The following FER1L6 variants were observed in gnomAD, a reference collection of about 807,000 sequenced individuals.
FER1L6 encodes fer-1-like protein 6.
In FER1L6, 177 loss-of-function variants were observed where a neutral mutation model predicts 219.2. The ratio of observed to expected loss-of-function variants is 0.81; its 90% confidence interval spans 0.71 to 0.91. FER1L6 has a LOEUF of 0.91. FER1L6 is among the 40% of genes least tolerant of loss of function. The probability of loss-of-function intolerance (pLI) is 0.00; values close to 1 mark genes in which losing one functional copy is unlikely to be tolerated. For synonymous variants in FER1L6, 768 were observed against 824.3 expected, an observed-to-expected ratio of 0.93 and a Z score of 1.17; for missense variants, 2,153 against 2,259.9, an observed-to-expected ratio of 0.95 and a Z score of 0.96.
intron 39 of FER1L6, among the ~76,000 whole-genome samples, chr8:124,110,620 T>C (rs1427005003): frequency 2.6e-5 from 4 of 152,178 alleles, no homozygotes; most frequent in African/African-American, 7.2e-5. Context: ...CGTTAAGAGA[T>C]TGCAAAGACA....
At chr8:124,022,923 T>A (rs200449460) in intron 17 of FER1L6, among the ~76,000 whole-genome samples, 308 of 28,060 alleles carry the variant, frequency 0.011, 2 homozygotes, top group African/African-American at 0.041. Context: ...TTATTTATTT[T>A]TTTTTTTGAG....
chr8:124,080,892 G>T (rs1002342907), intron 32 of FER1L6, among the ~76,000 whole-genome samples: 1 of 152,136 alleles, frequency 6.6e-6, no homozygotes, highest in Non-Finnish European at 1.5e-5. Context: ...CCTTCAGATG[G>T]AAGACATATG....
chr8:123,966,773 A>C (rs1815560392), intron 5 of FER1L6, among the ~76,000 whole-genome samples: 1 of 152,210 alleles, frequency 6.6e-6, no homozygotes, highest in Non-Finnish European at 1.5e-5. Flanking sequence ...CGTACATGCT[A>C]AATTCTCTTT....
chr8:124,052,128 A>C (rs1297691333), intron 22 of FER1L6, among the ~76,000 whole-genome samples: 1 of 152,200 alleles, frequency 6.6e-6, no homozygotes, highest in African/African-American at 2.4e-5. Context: ...GCACAGTAAA[A>C]TGGACTATCA....
chr8:124,022,981 C>T (rs1348163006), intron 17 of FER1L6, among the ~76,000 whole-genome samples: 3 of 151,982 alleles, frequency 2.0e-5, no homozygotes, highest in Non-Finnish European at 4.4e-5. Context: ...GGCATGATCT[C>T]GGCTCACTGC....
In FER1L6 at chr8:124,040,008, T is replaced by C. The variant is rs1819410422; in HGVS notation, c.2589+2T>C. ...CTTTCTCACTGCCAGACAACAAAGGTAACCAGGGTAACCAAGACAGCCTGC... is the reference window on the plus strand; with the variant it reads ...CTTTCTCACTGCCAGACAACAAAGGCAACCAGGGTAACCAAGACAGCCTGC... On this transcript the variant is annotated splice_donor_variant, in intron 20 of 40. Transcript: ENST00000522917. LOFTEE classifies it high-confidence loss of function. The C allele has an allele frequency of 1.2e-6, 2 of 1,613,838 alleles. No individual in the cohort carries two copies. The highest frequency in any genetic ancestry group is 1.1e-5 in the South Asian group (1 of 91,078).
intron 3 of FER1L6, 114 bp from the exon 4 acceptor site, chr8:123,965,893 C>A: frequency 2.1e-6 from 2 of 965,464 alleles, no homozygotes; most frequent in Non-Finnish European, 3.1e-6. Context: ...GAGATGTAGA[C>A]AGAATATGTA....
chr8:123,936,577 AGTT>A (rs955484875), intron 1 of FER1L6, among the ~76,000 whole-genome samples: 6 of 146,972 alleles, frequency 4.1e-5, no homozygotes, highest in Admixed American at 3.6e-4. Flanking sequence ...CTGGTCCTCC[AGTT>A]GTTAAGAGGG....
chr8:123,981,928 T>TGTC (rs1816342035), intron 11 of FER1L6, among the ~76,000 whole-genome samples: 1 of 152,174 alleles, frequency 6.6e-6, no homozygotes. Context: ...TTGTTGTTGT[T>TGTC]GTCGTCAGTG....
intron 12 of FER1L6, among the ~76,000 whole-genome samples, chr8:123,995,161 C>T (rs1485953329): frequency 6.6e-6 from 1 of 152,206 alleles, no homozygotes; most frequent in African/African-American, 2.4e-5. Flanking sequence ...TGAAGAAAAG[C>T]TCACAGCATG....
intron 27 of FER1L6, among the ~76,000 whole-genome samples, chr8:124,066,914 C>A (rs1427844217): frequency 6.6e-6 from 1 of 152,080 alleles, no homozygotes; most frequent in Non-Finnish European, 1.5e-5. Flanking sequence ...TCAGGAGATA[C>A]CCTAGTCTAA....
At chr8:123,958,726 C>T (rs1815133366) in intron 2 of FER1L6, among the ~76,000 whole-genome samples, 1 of 151,700 alleles carries the variant, frequency 6.6e-6, no homozygotes, top group Non-Finnish European at 1.5e-5. Flanking sequence ...AGACAGTGGG[C>T]TGAAATGGAG....
intron 39 of FER1L6, 73 bp from the exon 40 acceptor site, chr8:124,118,771 C>A: frequency 8.3e-7 from 1 of 1,202,926 alleles, no homozygotes; most frequent in Non-Finnish European, 1.2e-6. Context: ...AACTTGGTAA[C>A]ACTTCTAGAA....
At chr8:123,898,817 A>ATATGTGTATATATATACATACG (rs1554613206) in intron 1 of FER1L6, among the ~76,000 whole-genome samples, 3 of 142,228 alleles carry the variant, frequency 2.1e-5, no homozygotes, top group Non-Finnish European at 4.6e-5. Context: ...ATATATATAC[A>ATATGTGTATATATATACATACG]TATGTGTATA....
intron 1 of FER1L6, among the ~76,000 whole-genome samples, chr8:123,880,352 G>A (rs550511599): frequency 2.6e-5 from 4 of 152,198 alleles, no homozygotes; most frequent in South Asian, 4.2e-4. Context: ...TGGCTTTATC[G>A]CAGCGCCTTG....
intron 39 of FER1L6, among the ~76,000 whole-genome samples, chr8:124,109,275 G>C (rs1439167869): frequency 6.6e-6 from 1 of 152,090 alleles, no homozygotes; most frequent in East Asian, 1.9e-4. Context: ...GTTTACATAG[G>C]GCCCAGGAAA....
chr8:123,908,377 A>G (rs1812994708), intron 1 of FER1L6, among the ~76,000 whole-genome samples: 1 of 152,236 alleles, frequency 6.6e-6, no homozygotes, highest in Non-Finnish European at 1.5e-5. Context: ...GGGCCAAAGC[A>G]AATTTATTGC....
At chr8:123,935,075 T>A (rs1008818522) in intron 1 of FER1L6, among the ~76,000 whole-genome samples, 1 of 152,220 alleles carries the variant, frequency 6.6e-6, no homozygotes, top group Non-Finnish European at 1.5e-5. Flanking sequence ...ACAGCCTTCA[T>A]TGATGATTCT....
At position 123,948,446 on chromosome 8, in the gene FER1L6, ACCT is replaced by A. The variant is rs1814597387; in HGVS notation, c.-7-7544_-7-7542del. On this transcript the variant is annotated intron_variant, in intron 1 of 40. Coordinates refer to ENST00000522917, the MANE Select transcript of FER1L6 (RefSeq NM_001039112.2). The stretch of plus-strand genomic sequence containing the variant: ...CTCCAAATCAAATTGGGGAAGTTTG[ACCT>A]CTTTCTAATGTTGCACTTTCCAATC... 3.9e-5 allele frequency among the ~76,000 whole-genome samples: 6 copies of A among 152,286 alleles called. No individual in the cohort carries two copies. In the South Asian group the frequency reaches 1.2e-3, roughly 32 times the overall value.
Sources: allele counts gnomAD v4.1 joint callset (sites outside exome capture counted in the v4.1 genomes callset), GRCh38; gene constraint gnomAD v4.1.1; transcripts MANE v1.5; gene names NCBI Gene and HGNC (gene_info 2026-07-23, HGNC 2026-07-21).